ZNG1E: variants seen among roughly 807,000 people sequenced by gnomAD.
ZNG1E encodes zinc-regulated GTPase metalloprotein activator 1E.
the ZNG1E span, among the ~76,000 whole-genome samples, chr9:65,702,441 G>A: frequency 1.3e-5 from 2 of 149,638 alleles, no homozygotes; most frequent in Admixed American, 1.3e-4. Context: ...CCTAATTAGG[G>A]AACTGACGAG....
chr9:65,663,187 G>A, the ZNG1E span, among the ~76,000 whole-genome samples: 1 of 152,390 alleles, frequency 6.6e-6, no homozygotes, highest in East Asian at 1.9e-4. Flanking sequence ...AGCTCCTCAG[G>A]CAAGTCAACT....
At chr9:65,694,021 C>T in the ZNG1E span, among the ~76,000 whole-genome samples, 4 of 149,214 alleles carry the variant, frequency 2.7e-5, no homozygotes, top group African/African-American at 7.3e-5. Flanking sequence ...TGGAAGAAAA[C>T]TCCTTTTTTA....
At chr9:65,684,225 A>G in the ZNG1E span, among the ~76,000 whole-genome samples, 1 of 152,020 alleles carries the variant, frequency 6.6e-6, no homozygotes, top group Non-Finnish European at 1.5e-5. Context: ...TTGAAAAGTA[A>G]TCATCTCACT....
chr9:65,721,018 T>C, the ZNG1E span, among the ~76,000 whole-genome samples: 1 of 150,030 alleles, frequency 6.7e-6, no homozygotes, highest in Non-Finnish European at 1.5e-5. Flanking sequence ...TCGGTATCTG[T>C]CATATAGTTG....
the ZNG1E span, chr9:65,703,588 T>A: frequency 1.2e-5 from 1 of 84,414 alleles, no homozygotes. Flanking sequence ...TAAGCTCATT[T>A]TTTTTTTTTT....
At chr9:65,684,552 A>ACACGCACACACG in the ZNG1E span, among the ~76,000 whole-genome samples, 1 of 37,300 alleles carries the variant, frequency 2.7e-5, no homozygotes, top group Non-Finnish European at 5.9e-5. Flanking sequence ...ACACGCACGC[A>ACACGCACACACG]CACACACACA....
the ZNG1E span, among the ~76,000 whole-genome samples, chr9:65,721,616 G>T: frequency 6.7e-6 from 1 of 149,924 alleles, no homozygotes; most frequent in Non-Finnish European, 1.5e-5. Flanking sequence ...AAAAACAAAT[G>T]TATTTTAATA....
chr9:65,669,636 A>T, the ZNG1E span, among the ~76,000 whole-genome samples: 116,482 of 140,844 alleles, frequency 0.83, 47,171 homozygotes, highest in South Asian at 0.91. Flanking sequence ...TTTTTTTTTT[A>T]AATTTCATGG....
chr9:65,671,796 G>C, the ZNG1E span, among the ~76,000 whole-genome samples: 1 of 146,804 alleles, frequency 6.8e-6, no homozygotes, highest in African/African-American at 2.5e-5. Context: ...GTGGTGCTTA[G>C]CATGAGCGAC....
At chr9:65,658,755 G>T in the ZNG1E span, among the ~76,000 whole-genome samples, 30 of 117,398 alleles carry the variant, frequency 2.6e-4, no homozygotes, top group East Asian at 2.8e-3. Context: ...GTCTAAGATC[G>T]AGGTGACAGC....
At chr9:65,664,856 G>A in the ZNG1E span, among the ~76,000 whole-genome samples, 2 of 152,152 alleles carry the variant, frequency 1.3e-5, no homozygotes, top group African/African-American at 2.4e-5. Context: ...TTGGGAACTG[G>A]AGCAATGGTG....
At chr9:65,715,404 G>A in the ZNG1E span, among the ~76,000 whole-genome samples, 1 of 150,580 alleles carries the variant, frequency 6.6e-6, no homozygotes, top group East Asian at 1.9e-4. Flanking sequence ...GTTCCTATTC[G>A]GCCATCTTGG....
chr9:65,657,627 G>T, the ZNG1E span, among the ~76,000 whole-genome samples: 3 of 152,320 alleles, frequency 2.0e-5, no homozygotes, highest in South Asian at 6.2e-4. Flanking sequence ...TAGTTAGATA[G>T]AATGAATAAA....
At chr9:65,664,316 G>A in the ZNG1E span, among the ~76,000 whole-genome samples, 2 of 150,466 alleles carry the variant, frequency 1.3e-5, no homozygotes, top group East Asian at 3.8e-4. Context: ...ATTCCCATGT[G>A]TTGTGGGGGG....
At chr9:65,714,956 C>T in the ZNG1E span, among the ~76,000 whole-genome samples, 1 of 150,786 alleles carries the variant, frequency 6.6e-6, no homozygotes, top group African/African-American at 2.5e-5. Context: ...GCTTTGTTTA[C>T]CTAAGCAAGC....
chr9:65,702,256 C>T, the ZNG1E span, among the ~76,000 whole-genome samples: 2 of 151,732 alleles, frequency 1.3e-5, no homozygotes, highest in Admixed American at 1.3e-4. Context: ...GGTAAGTAAC[C>T]CTAAAGACAA....
chr9:65,691,056 T>G, the ZNG1E span: 2 of 1,586,488 alleles, frequency 1.3e-6, no homozygotes, highest in Admixed American at 3.7e-5. Flanking sequence ...TCTTTTATCT[T>G]TCTTGTTTTT....
the ZNG1E span, chr9:65,703,834 A>T: frequency 4.1e-6 from 4 of 968,886 alleles, no homozygotes; most frequent in Non-Finnish European, 4.8e-6. Context: ...GCAGCTGCTT[A>T]TATGCATGTG....
chr9:65,673,683 G>T, the ZNG1E span, among the ~76,000 whole-genome samples: 1 of 152,274 alleles, frequency 6.6e-6, no homozygotes, highest in African/African-American at 2.4e-5. Context: ...CATATGACTG[G>T]AGTCCCAGCT....
Sources: gnomAD v4.1 joint callset for allele counts (sites outside exome capture counted in the v4.1 genomes callset) on GRCh38, gnomAD v4.1.1 for gene constraint, MANE v1.5 for transcripts, NCBI Gene and HGNC (gene_info 2026-07-23, HGNC 2026-07-21) for gene names.